The following DCC variants were observed in gnomAD, a reference collection of about 807,000 sequenced individuals.
DCC encodes the protein netrin receptor DCC.
DCC carries 58 observed loss-of-function variants against 172.5 expected under a neutral mutation model. The observed-to-expected ratio is 0.34, with a 90% CI of 0.27 to 0.42. The LOEUF (loss-of-function observed/expected upper bound fraction) is 0.42. DCC is among the 10% of genes least tolerant of loss of function. The pLI is 1.00. For synonymous variants in DCC, 709 were observed against 644.5 expected (o/e 1.10, Z -1.52); for missense variants, 1,740 against 1,791.0 (o/e 0.97, Z 0.51).
intron 27 of DCC, among the ~76,000 whole-genome samples, chr18:53,506,873 AAAG>A (rs1241992361): frequency 1.3e-5 from 2 of 150,546 alleles, no homozygotes; most frequent in East Asian, 3.9e-4. Context: ...AAAAAAAAAA[AAAG>A]GAGGAGGAGT....
chr18:53,011,748 AT>A (rs36027247), intron 5 of DCC, among the ~76,000 whole-genome samples: 113,299 of 150,738 alleles, frequency 0.75, 42,833 homozygotes, highest in African/African-American at 0.82. Context: ...CCCTACCTCA[AT>A]TTTTTTTTTC....
chr18:53,132,404 A>T (rs2043671274), intron 7 of DCC, among the ~76,000 whole-genome samples: 1 of 152,106 alleles, frequency 6.6e-6, no homozygotes, highest in Non-Finnish European at 1.5e-5. Context: ...AAGCTATCAG[A>T]CATTCACATT....
At chr18:53,351,490 A>AGT (rs2057812871) in intron 15 of DCC, among the ~76,000 whole-genome samples, 1 of 64,966 alleles carries the variant, frequency 1.5e-5, no homozygotes, top group African/African-American at 6.7e-5. Flanking sequence ...ATATATATAT[A>AGT]GTGTGTATAT....
intron 1 of DCC, among the ~76,000 whole-genome samples, chr18:52,344,805 G>C (rs1464376527): frequency 6.6e-6 from 1 of 151,984 alleles, no homozygotes; most frequent in African/African-American, 2.4e-5. Flanking sequence ...GATTCTACCA[G>C]TAAAGATAAC....
At chr18:53,324,013 G>A (rs2057439744) in intron 14 of DCC, among the ~76,000 whole-genome samples, 1 of 152,078 alleles carries the variant, frequency 6.6e-6, no homozygotes, top group Non-Finnish European at 1.5e-5. Flanking sequence ...AACTTACTTT[G>A]TTTTAAGCAA....
intron 2 of DCC, among the ~76,000 whole-genome samples, chr18:52,791,320 A>G (rs975522881): frequency 5.3e-5 from 8 of 152,158 alleles, no homozygotes; most frequent in Non-Finnish European, 4.4e-5. Flanking sequence ...CCAGTGCTTC[A>G]GAATGCACCC....
At chr18:53,041,739 A>C (rs2042171653) in intron 5 of DCC, among the ~76,000 whole-genome samples, 2 of 152,002 alleles carry the variant, frequency 1.3e-5, no homozygotes. Flanking sequence ...CATCCTTTGT[A>C]AGTTGTATTC....
At chr18:52,615,717 A>G (rs570477329) in intron 1 of DCC, among the ~76,000 whole-genome samples, 1 of 152,286 alleles carries the variant, frequency 6.6e-6, no homozygotes, top group East Asian at 1.9e-4. Context: ...ATTGAGAACA[A>G]TTAAAGACAA....
At chr18:52,380,408 C>T (rs1431414170) in intron 1 of DCC, among the ~76,000 whole-genome samples, 1 of 152,060 alleles carries the variant, frequency 6.6e-6, no homozygotes. Flanking sequence ...CCAAGTGTCT[C>T]TTTAGATTGA....
At chr18:52,543,926 T>A (rs953278960) in intron 1 of DCC, among the ~76,000 whole-genome samples, 1 of 152,182 alleles carries the variant, frequency 6.6e-6, no homozygotes, top group African/African-American at 2.4e-5. Context: ...CAACTTTAAA[T>A]AGGTCACAGG....
intron 1 of DCC, among the ~76,000 whole-genome samples, chr18:52,619,660 C>G (rs559419385): frequency 6.6e-6 from 1 of 152,264 alleles, no homozygotes; most frequent in South Asian, 2.1e-4. Context: ...TTTCAAGATT[C>G]AAGATTTATG....
intron 21 of DCC, among the ~76,000 whole-genome samples, chr18:53,424,917 C>T (rs1910822357): frequency 6.6e-6 from 1 of 152,076 alleles, no homozygotes; most frequent in Admixed American, 6.6e-5. Flanking sequence ...CTATTGTCTA[C>T]ACTGGCCAGT....
intron 21 of DCC, among the ~76,000 whole-genome samples, chr18:53,420,240 A>C (rs1280080018): frequency 2.0e-5 from 3 of 152,202 alleles, no homozygotes; most frequent in Non-Finnish European, 4.4e-5. Flanking sequence ...ACGTATAGCT[A>C]TAAAGTTGCT....
At chr18:52,689,063 T>C (rs1394207903) in intron 1 of DCC, among the ~76,000 whole-genome samples, 4 of 152,182 alleles carry the variant, frequency 2.6e-5, no homozygotes, top group Non-Finnish European at 5.9e-5. Context: ...TAGCTTCAAA[T>C]GCACAGAATT....
chr18:53,295,449 C>T (rs1011074941), intron 12 of DCC, among the ~76,000 whole-genome samples: 8 of 151,940 alleles, frequency 5.3e-5, no homozygotes, highest in Admixed American at 2.0e-4. Context: ...TTTACAAATA[C>T]ACATAATAGA....
intron 7 of DCC, among the ~76,000 whole-genome samples, chr18:53,113,959 C>T (rs56785723): frequency 0.04 from 6,060 of 151,376 alleles, 380 homozygotes; most frequent in African/African-American, 0.14. Flanking sequence ...CTCTAAATTT[C>T]TGAATTTTCT....
At chr18:52,366,750 C>T (rs932377138) in intron 1 of DCC, among the ~76,000 whole-genome samples, 1 of 152,118 alleles carries the variant, frequency 6.6e-6, no homozygotes, top group African/African-American at 2.4e-5. Flanking sequence ...TTGAGCTAAA[C>T]ACAGGGTGCT....
chr18:52,664,578 C>T (rs945481787), intron 1 of DCC, among the ~76,000 whole-genome samples: 1 of 143,390 alleles, frequency 7.0e-6, no homozygotes, highest in Non-Finnish European at 1.5e-5. Context: ...TCACGCCATT[C>T]TCCTGCCTCA....
chr18:53,020,485 A>C (rs1409497433), intron 5 of DCC, among the ~76,000 whole-genome samples: 1 of 152,178 alleles, frequency 6.6e-6, no homozygotes, highest in East Asian at 1.9e-4. Context: ...TTGAACCTGC[A>C]CCAAAAGTTA....
Sources: allele counts gnomAD v4.1 joint callset (sites outside exome capture counted in the v4.1 genomes callset), GRCh38; gene constraint gnomAD v4.1.1; transcripts MANE v1.5; gene names NCBI Gene and HGNC (gene_info 2026-07-23, HGNC 2026-07-21).